The following TTLL7 variants were observed in gnomAD, a reference collection of about 807,000 sequenced individuals.
TTLL7 encodes the protein tubulin polyglutamylase TTLL7.
In TTLL7, 53 loss-of-function variants were observed where a neutral mutation model predicts 120.2. The ratio of observed to expected loss-of-function variants is 0.44; its 90% CI spans 0.35 to 0.55. TTLL7 has a LOEUF of 0.55. Among genes scored for constraint, TTLL7 ranks in the 20% least tolerant of loss-of-function variants. TTLL7 has a pLI of 0.00. For missense variants in TTLL7, 803 were observed against 1,054.7 expected (o/e 0.76, Z 3.31); for synonymous variants, 353 against 351.7 (o/e 1.00, Z -0.04).
chr1:83,949,472 G>A (rs557198539), intron 4 of TTLL7: 292 of 180,418 alleles, frequency 1.6e-3, no homozygotes, highest in Non-Finnish European at 2.7e-3. Context: ...GACTACAGGC[G>A]TGTGCCACCA....
At chr1:83,887,221 A>G (rs914796219) in intron 19 of TTLL7, 1 of 1,179,958 alleles carries the variant, frequency 8.5e-7, no homozygotes, top group African/African-American at 1.6e-5. Context: ...GCAAGAATCA[A>G]GGCCTTGGAT....
intron 1 of TTLL7, among the ~76,000 whole-genome samples, chr1:83,983,401 G>A (rs1652158993): frequency 6.6e-6 from 1 of 152,056 alleles, no homozygotes; most frequent in African/African-American, 2.4e-5. Context: ...TGGAATAACT[G>A]GCTAGCCACA....
At chr1:83,871,158 G>A (rs1465292015) in intron 20 of TTLL7, among the ~76,000 whole-genome samples, 1 of 151,858 alleles carries the variant, frequency 6.6e-6, no homozygotes, top group East Asian at 1.9e-4. Context: ...TGGGATTACA[G>A]GCATGTGCTA....
At chr1:83,958,937 A>G (rs1317577335) in intron 1 of TTLL7, among the ~76,000 whole-genome samples, 1 of 152,180 alleles carries the variant, frequency 6.6e-6, no homozygotes, top group Non-Finnish European at 1.5e-5. Flanking sequence ...TTTGAGTAGC[A>G]AGGCTCTGGA....
intron 10 of TTLL7, among the ~76,000 whole-genome samples, chr1:83,928,459 G>A (rs760748820): frequency 3.3e-5 from 5 of 152,072 alleles, no homozygotes; most frequent in African/African-American, 4.8e-5. Flanking sequence ...ATTTTGTAAT[G>A]AGCCAAAAGC....
At chr1:83,947,385 A>G (rs76399302) in intron 5 of TTLL7, 103 bp from the exon 6 acceptor site, 33,687 of 1,042,248 alleles carry the variant, frequency 0.032, 677 homozygotes, top group African/African-American at 0.069. Context: ...AATTTTCTCC[A>G]TTCCTTCATT....
chr1:83,989,595 T>C (rs1652791892), intron 1 of TTLL7, among the ~76,000 whole-genome samples: 1 of 152,252 alleles, frequency 6.6e-6, no homozygotes, highest in Admixed American at 6.5e-5. Flanking sequence ...GGTATTGTGA[T>C]GCCTCCAGCT....
At chr1:83,955,595 C>T (rs1228239993) in intron 1 of TTLL7, among the ~76,000 whole-genome samples, 1 of 152,158 alleles carries the variant, frequency 6.6e-6, no homozygotes, top group African/African-American at 2.4e-5. Context: ...AACCTGCCAC[C>T]ACCTTGATGT....
At chr1:83,997,516 C>T (rs12125251) in intron 1 of TTLL7, among the ~76,000 whole-genome samples, 6,338 of 152,268 alleles carry the variant, frequency 0.042, 156 homozygotes, top group Middle Eastern at 0.099. Context: ...ACTCATATTT[C>T]TAAACTGACT....
chr1:83,923,651 C>T (rs79187797), intron 10 of TTLL7, among the ~76,000 whole-genome samples: 3,354 of 152,142 alleles, frequency 0.022, 53 homozygotes, highest in African/African-American at 0.045. Flanking sequence ...AGGAACGTTC[C>T]CACTTTCTGG....
At chr1:83,884,529 G>A (rs1291787329) in intron 19 of TTLL7, among the ~76,000 whole-genome samples, 1 of 151,814 alleles carries the variant, frequency 6.6e-6, no homozygotes, top group South Asian at 2.1e-4. Context: ...TTCTTAAAGG[G>A]AGTAAGACTG....
In TTLL7 at chr1:83,866,686, A is replaced by G. The variant is rs1652939458; in HGVS notation, c.*3276T>C. The G allele has an allele frequency of 6.6e-6, 1 of 152,064 alleles. No homozygotes were observed. The highest frequency in any genetic ancestry group is 2.4e-5 in the African/African-American group (1 of 41,574). The allele number at this position is 152,064 out of a possible 1,614,324, so 9.4% of individuals were successfully genotyped here. A position where few individuals can be genotyped will look rare whatever the true frequency, so the allele number is the denominator to read the frequency against. On this transcript the variant is annotated 3_prime_UTR_variant, in exon 21 of 21. Coordinates refer to ENST00000260505, the MANE Select transcript of TTLL7 (RefSeq NM_024686.6). ...AGGCAGAGTTACCATTGCCATTTCC[A>G]TATTTGATCCTGTTACAACTTCATT... is the stretch of plus-strand genomic sequence containing the variant.
At chr1:83,959,842 A>C (rs959425608) in intron 1 of TTLL7, among the ~76,000 whole-genome samples, 11 of 152,308 alleles carry the variant, frequency 7.2e-5, no homozygotes, top group Non-Finnish European at 1.5e-4. Context: ...GCTGCATCAC[A>C]AAATGAAGAT....
chr1:83,900,432 T>C lies in TTLL7; in HGVS notation c.2208+3647A>G, dbSNP rs142260848. ...CCATGAAGATTCAAGTAGAGAAAGA[T>C]ATCTGGTTGTAGGGGACTCCAGATG... On this transcript the variant is annotated intron_variant, in intron 18 of 20. Transcript: ENST00000260505. Among the ~76,000 whole-genome samples the C allele has an allele frequency of 7.5e-3, 1,141 of 152,128 alleles. 63 individuals carry two copies. The highest frequency in any genetic ancestry group is 0.07 in the Admixed American group (1,069 of 15,236).
chr1:83,923,773 T>A (rs1401270122), intron 10 of TTLL7, among the ~76,000 whole-genome samples: 1 of 152,168 alleles, frequency 6.6e-6, no homozygotes, highest in Non-Finnish European at 1.5e-5. Flanking sequence ...AATAAAAATT[T>A]AACCAAAGAC....
At position 83,867,609 on chromosome 1, in the gene TTLL7, A is replaced by G. The variant is rs928080238; in HGVS notation, c.*2353T>C. On this transcript the variant is annotated 3_prime_UTR_variant, in exon 21 of 21. Transcript: ENST00000260505. ...GGCATTCTTATTTTTTGTTTTAAATACAAATTTTGCTCTGGTACAAAAGTT... is the reference window on the plus strand; with the variant it reads ...GGCATTCTTATTTTTTGTTTTAAATGCAAATTTTGCTCTGGTACAAAAGTT... The G allele has an allele frequency of 1.3e-5, 2 of 151,926 alleles. No individual in the cohort carries two copies. The highest frequency in any genetic ancestry group is 2.4e-5 in the African/African-American group (1 of 41,406). The allele number at this position is 151,926 out of a possible 1,614,324, so 9.4% of individuals were successfully genotyped here. A position where few individuals can be genotyped will look rare whatever the true frequency, so the allele number is the denominator to read the frequency against.
At chr1:83,976,166 A>T (rs1273736944) in intron 1 of TTLL7, among the ~76,000 whole-genome samples, 1 of 151,968 alleles carries the variant, frequency 6.6e-6, no homozygotes, top group African/African-American at 2.4e-5. Context: ...ACTAGAGATT[A>T]AAATCACAAG....
chr1:83,904,411 G>A (rs1201630608), intron 17 of TTLL7, among the ~76,000 whole-genome samples: 1 of 152,068 alleles, frequency 6.6e-6, no homozygotes, highest in South Asian at 2.1e-4. Flanking sequence ...GAGGCAGGCA[G>A]ATCACTTGAG....
At chr1:83,966,993 A>G (rs1650519604) in intron 1 of TTLL7, among the ~76,000 whole-genome samples, 1 of 152,156 alleles carries the variant, frequency 6.6e-6, no homozygotes, top group South Asian at 2.1e-4. Context: ...TCCAATGTGA[A>G]GAAGTTTACA....
Sources: gnomAD v4.1 joint callset for allele counts (sites outside exome capture counted in the v4.1 genomes callset) on GRCh38, gnomAD v4.1.1 for gene constraint, MANE v1.5 for transcripts, NCBI Gene and HGNC (gene_info 2026-07-23, HGNC 2026-07-21) for gene names.